The following BOK variants were observed in gnomAD, a reference collection of about 807,000 sequenced individuals.
BOK encodes BCL2 family apoptosis regulator BOK, also known as bcl-2-related ovarian killer protein.
Under a neutral mutation model 18.3 loss-of-function variants are expected in BOK, and 20 were observed. The observed-to-expected ratio is 1.09, with a 90% confidence interval of 0.77 to 1.59. The LOEUF (loss-of-function observed/expected upper bound fraction) is 1.59. BOK is among the 40% of genes most tolerant of loss of function. BOK has a pLI of 0.00. For missense variants in BOK, 348 were observed against 307.9 expected, an observed-to-expected ratio of 1.13 and a Z score of -0.97; for synonymous variants, 173 against 142.4, an observed-to-expected ratio of 1.21 and a Z score of -1.53.
upstream of BOK, among the ~76,000 whole-genome samples, chr2:241,558,554 C>T (rs2066473625): frequency 6.6e-6 from 1 of 152,276 alleles, no homozygotes; most frequent in African/African-American, 2.4e-5. Flanking sequence ...CCGGGGAACA[C>T]CCAGGCGGCT....
intron 3 of BOK, among the ~76,000 whole-genome samples, chr2:241,566,302 C>T (rs1309960973): frequency 7.1e-6 from 1 of 141,024 alleles, no homozygotes; most frequent in Non-Finnish European, 1.5e-5. Context: ...TTTCTTTTTT[C>T]TTTTTTTTTT....
chr2:241,564,768 A>ACGCCAG (rs1553548902), intron 3 of BOK, among the ~76,000 whole-genome samples: 1 of 151,748 alleles, frequency 6.6e-6, no homozygotes, highest in Non-Finnish European at 1.5e-5. Context: ...CCCTTGGCCG[A>ACGCCAG]CGCCGGCGCG....
intron 2 of BOK, chr2:241,560,334 G>C (rs2125045522): frequency 1.0e-6 from 1 of 960,546 alleles, no homozygotes; most frequent in Non-Finnish European, 1.2e-6. Flanking sequence ...CTGGGCTGTG[G>C]CCGTCACCTG....
At chr2:241,552,119 G>A (rs890617290) in intron 1 of BOK, among the ~76,000 whole-genome samples, 3 of 152,194 alleles carry the variant, frequency 2.0e-5, no homozygotes, top group South Asian at 2.1e-4. Flanking sequence ...TGGCAATGGC[G>A]AAGCAGCCAG....
At chr2:241,571,310 AC>A (rs2066715317) in intron 4 of BOK, among the ~76,000 whole-genome samples, 1 of 147,520 alleles carries the variant, frequency 6.8e-6, no homozygotes, top group South Asian at 2.1e-4. Context: ...CTCCGGCCAG[AC>A]CGCAGTTGCC....
At chr2:241,568,097 C>T (rs1384066126) in intron 3 of BOK, among the ~76,000 whole-genome samples, 1 of 152,156 alleles carries the variant, frequency 6.6e-6, no homozygotes, top group Non-Finnish European at 1.5e-5. Flanking sequence ...CCATGCCCAG[C>T]CTGCCTCAGA....
At chr2:241,553,399 G>A (rs780032657) in intron 1 of BOK, among the ~76,000 whole-genome samples, 2 of 152,162 alleles carry the variant, frequency 1.3e-5, no homozygotes, top group African/African-American at 4.8e-5. Flanking sequence ...TGATCCACCC[G>A]CCTCAGCCTC....
chr2:241,565,300 G>A (rs963866777), intron 3 of BOK, among the ~76,000 whole-genome samples: 2 of 149,724 alleles, frequency 1.3e-5, no homozygotes, highest in Non-Finnish European at 3.0e-5. Flanking sequence ...GGGGAGCCAC[G>A]CAGGTTGAAG....
intron 2 of BOK, 138 bp downstream of exon 2, chr2:241,559,841 A>G (rs1433620596): frequency 2.8e-6 from 3 of 1,066,240 alleles, no homozygotes; most frequent in Non-Finnish European, 3.6e-6. Context: ...GGACAGGGCC[A>G]CCCAGGCGGG....
Position 241,572,554 on chromosome 2 carries a change from G to T in BOK, c.*132G>T, listed in dbSNP as rs990497149. ...AACCCTCGGAGACCCCCTAAGCCCC[G>T]TTCCTCCGCAGACCCAGGCCCTCCG... is the stretch of plus-strand genomic sequence containing the variant. On this transcript the variant is annotated 3_prime_UTR_variant, in exon 5 of 5. Transcript: ENST00000318407. 1.2e-5 allele frequency: 16 copies of T among 1,369,922 alleles called. No homozygotes were observed. Among genetic ancestry groups the T allele is most frequent in the Non-Finnish European group, 1.6e-5 (16 of 1,022,482 alleles). 84.9% of individuals were successfully genotyped at this position (1,369,922 alleles called of 1,614,324 possible). A position where few individuals can be genotyped will look rare whatever the true frequency, so the allele number is the denominator to read the frequency against.
At chr2:241,558,275 T>A (rs13430039), upstream of BOK, among the ~76,000 whole-genome samples, 6 of 152,164 alleles carry the variant, frequency 3.9e-5, no homozygotes, top group East Asian at 1.2e-3. Context: ...AACAAGCTTC[T>A]AAAAGGAAAT....
chr2:241,560,545 C>A (rs538755381), intron 2 of BOK, among the ~76,000 whole-genome samples: 1 of 152,222 alleles, frequency 6.6e-6, no homozygotes. Flanking sequence ...CCTGCCCTTA[C>A]GTGGTGGGCT....
chr2:241,559,039 C>CACGGGA (rs2066481332), intron 1 of BOK, 46 bp downstream of exon 1: 1 of 151,758 alleles, frequency 6.6e-6, no homozygotes, highest in African/African-American at 2.4e-5. Flanking sequence ...CCCGGGGTGC[C>CACGGGA]ACGGGAACGG....
rs746848417 is a variant in BOK at position 241,562,305 on chromosome 2, C to T, written c.221-43C>T. Reference sequence around the variant, plus strand: ...CCCAAGCCAGTCGTGTCCCAGGAAGCTGGGACGTGGGCTGCCTCTCACCTG... The same window carrying T: ...CCCAAGCCAGTCGTGTCCCAGGAAGTTGGGACGTGGGCTGCCTCTCACCTG... On this transcript the variant is annotated intron_variant, in intron 2 of 4. Coordinates refer to ENST00000318407, the MANE Select transcript of BOK (RefSeq NM_032515.5). This position sits in a 1 kb window ranked among gnomAD's most constrained non-coding sequence, Gnocchi z 4.5. 2.6e-6 allele frequency: 4 copies of T among 1,549,884 alleles called. No individual in the cohort carries two copies. The highest frequency in any genetic ancestry group is 3.5e-6 in the Non-Finnish European group (4 of 1,147,878).
chr2:241,563,677 A>G (rs1245894164), intron 3 of BOK, among the ~76,000 whole-genome samples: 1 of 152,026 alleles, frequency 6.6e-6, no homozygotes, highest in African/African-American at 2.4e-5. Flanking sequence ...CAGCTGTGTG[A>G]CTGTGGCCTG....
rs111517993 is a variant in BOK at position 241,562,594 on chromosome 2, C to T, written c.349+118C>T. On this transcript the variant is annotated intron_variant, in intron 3 of 4. Coordinates refer to ENST00000318407, the MANE Select transcript of BOK (RefSeq NM_032515.5). This position sits in a 1 kb window ranked among gnomAD's most constrained non-coding sequence, Gnocchi z 4.5. ...CATCCTGGCGCTGCCCAGTGCCCACCGGTGCCATCTCACTGCTGCAGGTGT... is the reference window on the plus strand; with the variant it reads ...CATCCTGGCGCTGCCCAGTGCCCACTGGTGCCATCTCACTGCTGCAGGTGT... 94 of 1,318,374 alleles carry T rather than the reference C, an allele frequency of 7.1e-5. No homozygotes were observed. The Middle Eastern group carries it at 7.6e-4, about 11-fold the overall frequency. The allele number at this position is 1,318,374 out of a possible 1,614,324, so 81.7% of individuals were successfully genotyped here.
chr2:241,565,434 C>T (rs889568451), intron 3 of BOK, among the ~76,000 whole-genome samples: 1 of 152,122 alleles, frequency 6.6e-6, no homozygotes, highest in Non-Finnish European at 1.5e-5. Flanking sequence ...CACCCCCAGC[C>T]CCCTTCACCT....
upstream of BOK, among the ~76,000 whole-genome samples, chr2:241,553,916 C>T (rs1172449393): frequency 6.6e-6 from 1 of 152,196 alleles, no homozygotes; most frequent in African/African-American, 2.4e-5. Flanking sequence ...CCTTCCAAGA[C>T]CGGCAGACCT....
Position 241,559,657 on chromosome 2 carries a change from G to C in BOK, c.174G>C (p.Pro58=). 2.2e-6 allele frequency: 3 copies of C among 1,387,042 alleles called. No individual in the cohort carries two copies. Among genetic ancestry groups the C allele is most frequent in the Non-Finnish European group, 2.8e-6 (3 of 1,079,316 alleles). The allele number at this position is 1,387,042 out of a possible 1,614,324, so 85.9% of individuals were successfully genotyped here. A position where few individuals can be genotyped will look rare whatever the true frequency, so the allele number is the denominator to read the frequency against. ...LSWSAPERAA[P]VPGRLAEVCA... is the part of the protein sequence containing the mutation. Reference sequence around the variant, plus strand: ...GGAGCGCGCCCGAGCGTGCCGCGCCGGTCCCGGGACGCCTGGCTGAGGTGT... The same window carrying C: ...GGAGCGCGCCCGAGCGTGCCGCGCCCGTCCCGGGACGCCTGGCTGAGGTGT... Residue 58 remains proline (P), a synonymous_variant, in exon 2 of 5, where the codon CCG becomes CCC. Coordinates refer to ENST00000318407, the MANE Select transcript of BOK (RefSeq NM_032515.5).
Sources: allele counts gnomAD v4.1 joint callset (sites outside exome capture counted in the v4.1 genomes callset), GRCh38; gene constraint gnomAD v4.1.1; non-coding constraint Gnocchi (gnomAD v3.1); transcripts MANE v1.5; gene names NCBI Gene and HGNC (gene_info 2026-07-23, HGNC 2026-07-21).